The following MCM9 variants were observed in gnomAD, a reference collection of about 807,000 sequenced individuals.
MCM9 encodes minichromosome maintenance 9 homologous recombination repair factor.
Under a neutral mutation model 72.8 loss-of-function variants are expected in MCM9, and 55 were observed. That is an observed-to-expected ratio of 0.76 (90% CI 0.61 to 0.95). MCM9 has a LOEUF of 0.95. MCM9 is among the 40% of genes least tolerant of loss of function. MCM9 has a pLI of 0.00. For synonymous variants in MCM9, 480 were observed against 503.4 expected, an observed-to-expected ratio of 0.95 and a Z score of 0.62; for missense variants, 1,279 against 1,377.0, an observed-to-expected ratio of 0.93 and a Z score of 1.13.
At chr6:118,886,454 A>G (rs1778608347) in intron 8 of MCM9, among the ~76,000 whole-genome samples, 1 of 152,178 alleles carries the variant, frequency 6.6e-6, no homozygotes, top group Non-Finnish European at 1.5e-5. Flanking sequence ...TTGTATACAC[A>G]AAATCCTAAG....
At chr6:118,826,004 T>C (rs963937649) in intron 13 of MCM9, 143 bp downstream of exon 13, 4 of 836,078 alleles carry the variant, frequency 4.8e-6, no homozygotes, top group Middle Eastern at 2.3e-4. Flanking sequence ...CAGTCTCCTA[T>C]AGATAGTATC....
chr6:118,829,284 G>A (rs1365183361), intron 9 of MCM9, 34 bp from the exon 10 acceptor site: 5 of 1,513,636 alleles, frequency 3.3e-6, no homozygotes, highest in Admixed American at 4.2e-5. Context: ...CACTGATTGT[G>A]AGGTTCAGAT....
At chr6:118,902,464 C>T (rs1381265795) in intron 8 of MCM9, among the ~76,000 whole-genome samples, 2 of 151,858 alleles carry the variant, frequency 1.3e-5, no homozygotes, top group East Asian at 3.9e-4. Flanking sequence ...GCCTAAGGAA[C>T]CCATACTTTA....
chr6:118,837,061 T>C (rs1775011675), intron 9 of MCM9, among the ~76,000 whole-genome samples: 2 of 152,212 alleles, frequency 1.3e-5, no homozygotes. Context: ...CCAGAGATTC[T>C]GGTACGTTGT....
chr6:118,839,305 A>C (rs1414756214), intron 9 of MCM9, among the ~76,000 whole-genome samples: 1 of 151,926 alleles, frequency 6.6e-6, no homozygotes, highest in Non-Finnish European at 1.5e-5. Context: ...TAAACTGGTT[A>C]TTCTAGTTAG....
chr6:118,843,720 G>GTATATA (rs375762540), intron 9 of MCM9, among the ~76,000 whole-genome samples: 1,061 of 101,952 alleles, frequency 0.01, 12 homozygotes, highest in Non-Finnish European at 0.014. Context: ...ATATATATAT[G>GTATATA]TATATATATA....
At chr6:118,817,126 C>A (rs1022074318) in intron 13 of MCM9, among the ~76,000 whole-genome samples, 1 of 151,926 alleles carries the variant, frequency 6.6e-6, no homozygotes, top group Non-Finnish European at 1.5e-5. Context: ...GGACAACTTT[C>A]TTGTTTTTTT....
At chr6:118,828,346 A>G (rs1774306655) in intron 10 of MCM9, among the ~76,000 whole-genome samples, 2 of 152,130 alleles carry the variant, frequency 1.3e-5, no homozygotes. Flanking sequence ...ATTATTCAGA[A>G]TAATTCTGGT....
intron 13 of MCM9, among the ~76,000 whole-genome samples, chr6:118,818,971 G>T (rs1773599750): frequency 6.6e-6 from 1 of 152,196 alleles, no homozygotes; most frequent in African/African-American, 2.4e-5. Context: ...CATTGATTTT[G>T]TATCTTGAAA....
chr6:118,910,535 T>C lies in MCM9; in HGVS notation c.1150+1115A>G, dbSNP rs554126401. 1.0e-4 allele frequency: 86 copies of C among 826,098 alleles called. No individual in the cohort carries two copies. The African/African-American group carries it at 1.5e-3, about 14-fold the overall frequency. 51.2% of individuals were successfully genotyped at this position (826,098 alleles called of 1,614,324 possible). A position where few individuals can be genotyped will look rare whatever the true frequency, so the allele number is the denominator to read the frequency against. On this transcript the variant is annotated intron_variant, in intron 8 of 13. Coordinates refer to ENST00000619706, the MANE Select transcript of MCM9 (RefSeq NM_017696.3). ...TACTCTGAAATTACCAGTCATCCAC[T>C]TAGATGGCTTGGACTCATTTCTTGA...
intron 8 of MCM9, chr6:118,908,868 C>A: frequency 6.6e-6 from 1 of 152,642 alleles, no homozygotes. Context: ...TTATACTGCA[C>A]TTTTTAAAGC....
intron 9 of MCM9, among the ~76,000 whole-genome samples, chr6:118,840,741 CCTTT>C (rs1775306557): frequency 2.8e-5 from 3 of 108,754 alleles, no homozygotes; most frequent in Admixed American, 1.2e-4. Flanking sequence ...CTCCCCCCCC[CCTTT>C]TTTTTTTTTT....
intron 8 of MCM9, chr6:118,907,681 C>T (rs562829563): frequency 7.9e-6 from 10 of 1,262,664 alleles, no homozygotes; most frequent in Admixed American, 3.7e-5. Context: ...CCTGAAATTC[C>T]GTAAGTACAT....
At chr6:118,903,000 G>T (rs1779907669) in intron 8 of MCM9, among the ~76,000 whole-genome samples, 1 of 152,124 alleles carries the variant, frequency 6.6e-6, no homozygotes, top group Admixed American at 6.5e-5. Flanking sequence ...CATTACTTCT[G>T]CATCCTAAAT....
Position 118,894,618 on chromosome 6 carries a change from C to T in MCM9, c.1150+17032G>A, listed in dbSNP as rs1174486671. 3.7e-6 allele frequency: 4 copies of T among 1,079,708 alleles called. No homozygotes were observed. In the East Asian group the frequency reaches 1.0e-4, roughly 28 times the overall value. The allele number at this position is 1,079,708 out of a possible 1,614,324, so 66.9% of individuals were successfully genotyped here. On this transcript the variant is annotated intron_variant, in intron 8 of 13. Coordinates refer to ENST00000619706, the MANE Select transcript of MCM9 (RefSeq NM_017696.3). The stretch of plus-strand genomic sequence containing the variant: ...CCTCGCGCTGGGCGGCTGTGTTCGG[C>T]GCCTGGCGGCCGCGGGCTGCTCTGC...
At position 118,858,748 on chromosome 6, in the gene MCM9, T is replaced by G. The variant is rs1226500438; in HGVS notation, c.1151-2203A>C. Among the ~76,000 whole-genome samples the G allele has an allele frequency of 3.9e-5, 6 of 152,060 alleles. No homozygotes were observed. In the East Asian group the frequency reaches 9.6e-4, roughly 24 times the overall value. On this transcript the variant is annotated intron_variant, in intron 8 of 13. Transcript: ENST00000619706. Reference sequence around the variant, plus strand: ...ATCTCTATGCAAAACTACAAAACACTGACAGAGGAAATCATGACAACCAAA... The same window carrying G: ...ATCTCTATGCAAAACTACAAAACACGGACAGAGGAAATCATGACAACCAAA...
At chr6:118,829,300 G>C in intron 9 of MCM9, 50 bp from the exon 10 acceptor site, 2 of 1,482,920 alleles carry the variant, frequency 1.3e-6, no homozygotes, top group Non-Finnish European at 1.8e-6. Flanking sequence ...CAGATAAAAT[G>C]CAAGATTACA....
At chr6:118,884,358 TC>T (rs1265108194) in intron 8 of MCM9, among the ~76,000 whole-genome samples, 6 of 151,878 alleles carry the variant, frequency 4.0e-5, no homozygotes, top group Non-Finnish European at 7.4e-5. Context: ...ATAAAATAAG[TC>T]TACATCTGAA....
At chr6:118,894,615 C>T in intron 8 of MCM9, 1 of 1,086,420 alleles carries the variant, frequency 9.2e-7, no homozygotes. Context: ...CGGCTGTGTT[C>T]GGCGCCTGGC....
Sources: allele counts gnomAD v4.1 joint callset (sites outside exome capture counted in the v4.1 genomes callset), GRCh38; gene constraint gnomAD v4.1.1; transcripts MANE v1.5; gene names NCBI Gene and HGNC (gene_info 2026-07-23, HGNC 2026-07-21).